TIPIN: variants seen among roughly 807,000 people sequenced by gnomAD.
TIPIN encodes the protein TIMELESS interacting protein, also known as TIMELESS-interacting protein.
A neutral mutation model predicts 35.6 loss-of-function variants in TIPIN; 29 were observed. That is an observed-to-expected ratio of 0.82 (90% CI 0.61 to 1.11). The LOEUF (loss-of-function observed/expected upper bound fraction) is 1.11. Ranked by LOEUF, TIPIN falls within the 50% of genes most tolerant of loss-of-function variation. The probability of loss-of-function intolerance (pLI) is 0.00; values close to 1 mark genes in which losing one functional copy is unlikely to be tolerated. For missense variants in TIPIN, 296 were observed against 345.4 expected (o/e 0.86, Z 1.13); for synonymous variants, 102 against 121.5 (o/e 0.84, Z 1.06).
chr15:66,347,604 C>CA (rs1275120080), intron 6 of TIPIN, among the ~76,000 whole-genome samples: 5 of 151,890 alleles, frequency 3.3e-5, no homozygotes, highest in African/African-American at 1.2e-4. Context: ...TTTTTTGAGA[C>CA]AAGAGTCTCA....
At chr15:66,384,286 C>T (rs1032804469) in intron 1 of TIPIN, among the ~76,000 whole-genome samples, 26 of 145,342 alleles carry the variant, frequency 1.8e-4, no homozygotes, top group Non-Finnish European at 3.3e-4. Context: ...CATGAGCCAC[C>T]GCGCCCGGCC....
chr15:66,373,997 C>T (rs541029177), intron 1 of TIPIN, among the ~76,000 whole-genome samples: 11 of 152,240 alleles, frequency 7.2e-5, no homozygotes, highest in African/African-American at 2.6e-4. Flanking sequence ...GCTGCCATGC[C>T]CAGCTTGTCT....
chr15:66,375,154 C>T (rs983618854), intron 1 of TIPIN, among the ~76,000 whole-genome samples: 3 of 151,926 alleles, frequency 2.0e-5, no homozygotes, highest in Non-Finnish European at 2.9e-5. Flanking sequence ...TGGTGCATGT[C>T]CATAATCCCA....
At chr15:66,385,317 TAC>T (rs2093333075) in intron 1 of TIPIN, among the ~76,000 whole-genome samples, 1 of 152,060 alleles carries the variant, frequency 6.6e-6, no homozygotes, top group Non-Finnish European at 1.5e-5. Context: ...CTTTGTTCTG[TAC>T]ACGTTTCCTT....
At chr15:66,370,896 G>C (rs1341625141) in intron 1 of TIPIN, among the ~76,000 whole-genome samples, 2 of 152,068 alleles carry the variant, frequency 1.3e-5, no homozygotes, top group Non-Finnish European at 2.9e-5. Flanking sequence ...AATATCAACT[G>C]CACGTGAATA....
chr15:66,345,642 T>A (rs1282322694), intron 6 of TIPIN, among the ~76,000 whole-genome samples: 1 of 151,470 alleles, frequency 6.6e-6, no homozygotes, highest in Non-Finnish European at 1.5e-5. Flanking sequence ...TGAACTGAGG[T>A]GGAGGTTGCA....
At chr15:66,354,547 G>A (rs1438038456) in intron 1 of TIPIN, among the ~76,000 whole-genome samples, 1 of 152,062 alleles carries the variant, frequency 6.6e-6, no homozygotes, top group Non-Finnish European at 1.5e-5. Flanking sequence ...AAAATATAAA[G>A]CTGATCACCT....
At chr15:66,353,684 A>AT (rs1286331355) in intron 1 of TIPIN, among the ~76,000 whole-genome samples, 2 of 151,990 alleles carry the variant, frequency 1.3e-5, no homozygotes, top group East Asian at 3.9e-4. Context: ...ATAAAAAAAA[A>AT]TTTTTAAATG....
intron 1 of TIPIN, among the ~76,000 whole-genome samples, chr15:66,373,886 A>G (rs181534818): frequency 6.6e-6 from 1 of 152,012 alleles, no homozygotes; most frequent in Non-Finnish European, 1.5e-5. Context: ...AATCTTTTGT[A>G]GAGACAGGGT....
chr15:66,357,244 G>A (rs549257751), upstream of TIPIN, among the ~76,000 whole-genome samples: 7 of 152,122 alleles, frequency 4.6e-5, no homozygotes, highest in South Asian at 1.2e-3. Context: ...TTGGAAATAG[G>A]TCTCGGTTTT....
At chr15:66,341,045 C>T in intron 7 of TIPIN, 105 bp downstream of exon 7, 1 of 975,514 alleles carries the variant, frequency 1.0e-6, no homozygotes. Context: ...TCACACTTTT[C>T]CACTCCTAGA....
At chr15:66,349,170 G>A (rs755220591) in intron 5 of TIPIN, 47 bp from the exon 6 acceptor site, 30 of 1,599,010 alleles carry the variant, frequency 1.9e-5, no homozygotes, top group Middle Eastern at 4.4e-4. Context: ...TACCAATCAT[G>A]TTGGGGGGAG....
intron 1 of TIPIN, chr15:66,366,873 C>T: frequency 2.0e-6 from 2 of 984,760 alleles, no homozygotes; most frequent in Non-Finnish European, 2.4e-6. Flanking sequence ...AAATCCAGGG[C>T]AACAGTAATA....
chr15:66,372,505 C>A (rs976788425), intron 1 of TIPIN, among the ~76,000 whole-genome samples: 7 of 152,274 alleles, frequency 4.6e-5, no homozygotes, highest in African/African-American at 1.4e-4. Context: ...AATAATGCTG[C>A]CATAAACTTT....
chr15:66,382,941 G>T (rs777171938), intron 1 of TIPIN: 61 of 985,158 alleles, frequency 6.2e-5, no homozygotes, highest in Non-Finnish European at 7.2e-5. Context: ...GATCACTGCC[G>T]GTCTGAAAAG....
intron 1 of TIPIN, among the ~76,000 whole-genome samples, chr15:66,355,413 T>A (rs2093197293): frequency 6.6e-6 from 1 of 151,830 alleles, no homozygotes; most frequent in South Asian, 2.1e-4. Context: ...TAGACGATCT[T>A]TAAAATCTCA....
intron 1 of TIPIN, among the ~76,000 whole-genome samples, chr15:66,353,532 C>T (rs2093183074): frequency 6.6e-6 from 1 of 150,486 alleles, no homozygotes; most frequent in South Asian, 2.1e-4. Flanking sequence ...AGGAGAATGG[C>T]GTGAATCCAG....
chr15:66,351,527 C>G lies in TIPIN; in HGVS notation c.286G>C (p.Glu96Gln). 6.2e-7 allele frequency: 1 copy of G among 1,612,212 alleles called. No individual in the cohort carries two copies. Among genetic ancestry groups the G allele is most frequent in the South Asian group, 1.1e-5 (1 of 90,906 alleles). Residue 96 changes from glutamate to glutamine, a missense_variant and splice_region_variant, in exon 4 of 8, where the codon GAG (glutamate) becomes CAG (glutamine). Transcript: ENST00000261881. Reference protein sequence around the residue: ...DKAKFKGKGHEAEDLKMLIRH... With the variant: ...DKAKFKGKGHQAEDLKMLIRH... ...CTAACATAAAAATCAGTTCTTACCT[C>G]ATGACCTTTACCTTTGAATTTTGCC... is the stretch of plus-strand genomic sequence containing the variant.
chr15:66,375,563 G>A (rs1349335393), intron 1 of TIPIN, among the ~76,000 whole-genome samples: 7 of 149,252 alleles, frequency 4.7e-5, no homozygotes, highest in African/African-American at 1.5e-4. Context: ...CAGCAGCTGG[G>A]CGCGGTGGCT....
Sources: gnomAD v4.1 joint callset for allele counts (sites outside exome capture counted in the v4.1 genomes callset) on GRCh38, gnomAD v4.1.1 for gene constraint, MANE v1.5 for transcripts, NCBI Gene and HGNC (gene_info 2026-07-23, HGNC 2026-07-21) for gene names.